Variants in SBF2 observed in about 807,000 individuals in gnomAD.
SBF2 encodes SET binding factor 2.
A neutral mutation model predicts 225.2 loss-of-function variants in SBF2; 112 were observed. The observed-to-expected ratio is 0.50, with a 90% CI of 0.43 to 0.58. SBF2 has a LOEUF of 0.58. SBF2 is among the 20% of genes least tolerant of loss of function. SBF2 has a pLI of 0.00. For synonymous variants in SBF2, 763 were observed against 773.3 expected (o/e 0.99, Z 0.22); for missense variants, 1,996 against 2,206.2 (o/e 0.90, Z 1.91).
intron 30 of SBF2, chr11:9,810,712 CAG>C (rs1303843231): frequency 4.6e-5 from 7 of 152,278 alleles, no homozygotes; most frequent in Non-Finnish European, 1.5e-5. Flanking sequence ...CAAAAAATAA[CAG>C]ATGCTGGCGA....
Position 10,018,951 on chromosome 11 carries a change from C to A in SBF2, c.619+9501G>T, listed in dbSNP as rs201159766. On this transcript the variant is annotated intron_variant, in intron 6 of 39. Transcript: ENST00000256190. ...ATAATTTCCTATAATGCTAAATATGCTTCTTCTTCTAGAATGCCCTTATTT... is the reference window on the plus strand; with the variant it reads ...ATAATTTCCTATAATGCTAAATATGATTCTTCTTCTAGAATGCCCTTATTT... Among the ~76,000 whole-genome samples the A allele has an allele frequency of 2.6e-5, 4 of 152,212 alleles. No homozygotes were observed. The East Asian group carries it at 5.8e-4, about 22-fold the overall frequency.
At chr11:10,179,726 C>G (rs918741767) in intron 2 of SBF2, among the ~76,000 whole-genome samples, 4 of 152,096 alleles carry the variant, frequency 2.6e-5, no homozygotes, top group African/African-American at 9.7e-5. Context: ...AGGACTTACT[C>G]CTGCCATTTT....
intron 1 of SBF2, among the ~76,000 whole-genome samples, chr11:10,258,107 C>T (rs1757430054): frequency 6.8e-6 from 1 of 147,338 alleles, no homozygotes; most frequent in Non-Finnish European, 1.5e-5. Flanking sequence ...CACACACACA[C>T]ACTTTTTTTT....
At chr11:9,838,274 T>C (rs1284702415) in intron 26 of SBF2, 1 of 152,112 alleles carries the variant, frequency 6.6e-6, no homozygotes, top group Non-Finnish European at 1.5e-5. Context: ...TATATATTAC[T>C]TTTTACCATC....
chr11:9,874,969 G>C (rs1395595081), intron 17 of SBF2, among the ~76,000 whole-genome samples: 1 of 152,180 alleles, frequency 6.6e-6, no homozygotes, highest in Non-Finnish European at 1.5e-5. Context: ...CTGATTATAA[G>C]AACATTTATT....
At chr11:10,010,407 T>C (rs1305065902) in intron 6 of SBF2, among the ~76,000 whole-genome samples, 1 of 152,214 alleles carries the variant, frequency 6.6e-6, no homozygotes. Flanking sequence ...CTTGAGTTAA[T>C]TTTTTTAAAA....
At chr11:10,214,310 A>G (rs553356257) in intron 1 of SBF2, among the ~76,000 whole-genome samples, 7 of 152,286 alleles carry the variant, frequency 4.6e-5, no homozygotes, top group African/African-American at 1.4e-4. Context: ...CCACTGCTTT[A>G]AACTCTACAG....
intron 2 of SBF2, among the ~76,000 whole-genome samples, chr11:10,068,738 C>G (rs1309434196): frequency 1.3e-5 from 2 of 151,994 alleles, no homozygotes; most frequent in East Asian, 3.9e-4. Flanking sequence ...CCCCCGTCAC[C>G]CCTTTCAAAA....
At chr11:10,206,262 G>A (rs1166955893) in intron 1 of SBF2, among the ~76,000 whole-genome samples, 6 of 150,802 alleles carry the variant, frequency 4.0e-5, no homozygotes, top group Non-Finnish European at 5.9e-5. Context: ...GTGACAGAAG[G>A]GCTATATTTA....
intron 1 of SBF2, among the ~76,000 whole-genome samples, chr11:10,269,587 T>C (rs1962298927): frequency 6.6e-6 from 1 of 152,236 alleles, no homozygotes; most frequent in Non-Finnish European, 1.5e-5. Context: ...TTACTTTACA[T>C]GAAATAACTC....
chr11:9,911,753 A>T (rs1415010700), intron 16 of SBF2, among the ~76,000 whole-genome samples: 2 of 152,162 alleles, frequency 1.3e-5, no homozygotes, highest in African/African-American at 4.8e-5. Context: ...AATCTTTTAT[A>T]CTGTATTTTT....
At chr11:9,845,503 G>A in intron 24 of SBF2, 62 bp downstream of exon 24, 1 of 1,422,072 alleles carries the variant, frequency 7.0e-7, no homozygotes, top group Admixed American at 1.7e-5. Context: ...CAAAGGATAG[G>A]TTACTCCTTT....
intron 2 of SBF2, among the ~76,000 whole-genome samples, chr11:10,153,861 T>C (rs978966469): frequency 2.0e-5 from 3 of 152,102 alleles, no homozygotes; most frequent in Admixed American, 6.5e-5. Flanking sequence ...GAGAGATGGA[T>C]TGAAGATCAT....
At chr11:10,072,077 G>A (rs1485769785) in intron 2 of SBF2, among the ~76,000 whole-genome samples, 1 of 152,090 alleles carries the variant, frequency 6.6e-6, no homozygotes, top group Non-Finnish European at 1.5e-5. Flanking sequence ...ACATACACAT[G>A]TATGTGTGCA....
intron 17 of SBF2, among the ~76,000 whole-genome samples, chr11:9,864,034 T>C (rs189282375): frequency 3.3e-5 from 5 of 152,220 alleles, no homozygotes; most frequent in African/African-American, 9.6e-5. Flanking sequence ...AAAACACAAC[T>C]GGCTTATGTA....
At chr11:10,282,810 C>T (rs1028414125) in intron 1 of SBF2, among the ~76,000 whole-genome samples, 4 of 150,498 alleles carry the variant, frequency 2.7e-5, no homozygotes, top group African/African-American at 9.8e-5. Context: ...TTTCAACAGA[C>T]CCCACCATCT....
At chr11:10,203,545 AAG>A (rs1957640672) in intron 1 of SBF2, among the ~76,000 whole-genome samples, 1 of 152,242 alleles carries the variant, frequency 6.6e-6, no homozygotes, top group African/African-American at 2.4e-5. Context: ...TCCAGCAATC[AAG>A]AGAGTAAAAT....
In SBF2 at chr11:10,070,410, T is replaced by C. The variant is rs551196361; in HGVS notation, c.142-27429A>G. 2.6e-5 allele frequency among the ~76,000 whole-genome samples: 4 copies of C among 152,348 alleles called. No individual in the cohort carries two copies. In the South Asian group the frequency reaches 6.2e-4, roughly 24 times the overall value. Reference sequence around the variant, plus strand: ...AGTTTTCCCAACACCATTTATTAAATAGGGAATCCTTTCCCCACTTCTTGT... The same window carrying C: ...AGTTTTCCCAACACCATTTATTAAACAGGGAATCCTTTCCCCACTTCTTGT... On this transcript the variant is annotated intron_variant, in intron 2 of 39. Coordinates refer to ENST00000256190, the MANE Select transcript of SBF2 (RefSeq NM_030962.4).
intron 2 of SBF2, among the ~76,000 whole-genome samples, chr11:10,179,456 C>T (rs909856240): frequency 4.6e-5 from 7 of 151,876 alleles, no homozygotes; most frequent in African/African-American, 1.7e-4. Flanking sequence ...ATGGCCTATC[C>T]TTGAGAATGA....
Sources: gnomAD v4.1 joint callset for allele counts (sites outside exome capture counted in the v4.1 genomes callset) on GRCh38, gnomAD v4.1.1 for gene constraint, MANE v1.5 for transcripts, NCBI Gene and HGNC (gene_info 2026-07-23, HGNC 2026-07-21) for gene names.